The following TMEM273 variants were observed in gnomAD, a reference collection of about 807,000 sequenced individuals.
TMEM273 encodes chromosome 10 open reading frame 128.
In TMEM273, 19 loss-of-function variants were observed where a neutral mutation model predicts 17.9. The ratio of observed to expected loss-of-function variants is 1.06; its 90% CI spans 0.74 to 1.55. The LOEUF is 1.55. Among genes scored for constraint, TMEM273 ranks in the 40% most tolerant of loss-of-function variants. TMEM273 has a pLI of 0.00. For missense variants in TMEM273, 194 were observed against 155.6 expected (o/e 1.25, Z -1.31); for synonymous variants, 66 against 62.0 (o/e 1.07, Z -0.31).
intron 1 of TMEM273, among the ~76,000 whole-genome samples, chr10:49,169,145 C>T (rs1270745582): frequency 6.6e-6 from 1 of 152,162 alleles, no homozygotes; most frequent in Non-Finnish European, 1.5e-5. Flanking sequence ...AACCATCAAG[C>T]CCTAGGGCTG....
chr10:49,167,131 G>C, intron 2 of TMEM273, 122 bp from the exon 3 acceptor site: 1 of 1,345,902 alleles, frequency 7.4e-7, no homozygotes, highest in Non-Finnish European at 1.0e-6. Flanking sequence ...GCTGAGGCCA[G>C]CCTCACCTTC....
chr10:49,167,990 G>T, intron 1 of TMEM273, 28 bp from the exon 2 acceptor site: 2 of 1,613,678 alleles, frequency 1.2e-6, no homozygotes, highest in South Asian at 2.2e-5. Flanking sequence ...CCAGAGCCTG[G>T]TTAGAACAGA....
intron 1 of TMEM273, among the ~76,000 whole-genome samples, chr10:49,182,834 C>G (rs1300426109): frequency 1.3e-5 from 2 of 152,056 alleles, no homozygotes; most frequent in Non-Finnish European, 2.9e-5. Context: ...AAAAATACAT[C>G]AGCCTTCCTC....
intron 3 of TMEM273, 168 bp downstream of exon 3, chr10:49,166,701 G>T: frequency 1.1e-6 from 1 of 938,972 alleles, no homozygotes; most frequent in Non-Finnish European, 1.6e-6. Context: ...AGAAACAGAG[G>T]CAAAGGGTTA....
chr10:49,155,812 G>A lies in TMEM273; in HGVS notation c.*80C>T. On this transcript the variant is annotated 3_prime_UTR_variant, in exon 7 of 7. Transcript: ENST00000374153. ...CATTACCAGCCTTGGGTGTTTGAAT[G>A]CAGAACATCCTGAGATGTTAACCAT... 1 of 1,609,830 alleles carries A rather than the reference G, an allele frequency of 6.2e-7. No homozygotes were observed. Among genetic ancestry groups the A allele is most frequent in the Non-Finnish European group, 8.5e-7 (1 of 1,176,984 alleles).
chr10:49,156,963 T>A (rs1279601676), intron 6 of TMEM273, among the ~76,000 whole-genome samples: 2 of 152,140 alleles, frequency 1.3e-5, no homozygotes, highest in Non-Finnish European at 2.9e-5. Context: ...TTTTTCTCCT[T>A]CAAAAGATGG....
At chr10:49,157,445 C>T (rs1402729425) in intron 6 of TMEM273, among the ~76,000 whole-genome samples, 1 of 152,178 alleles carries the variant, frequency 6.6e-6, no homozygotes, top group Non-Finnish European at 1.5e-5. Flanking sequence ...GATTTAGTGG[C>T]TACTTAACCC....
chr10:49,171,562 C>T (rs1343185605), intron 1 of TMEM273, among the ~76,000 whole-genome samples: 3 of 152,246 alleles, frequency 2.0e-5, no homozygotes, highest in Non-Finnish European at 2.9e-5. Context: ...TACTCTGTGC[C>T]TCCCTGACAA....
chr10:49,170,172 G>A (rs771998321), intron 1 of TMEM273, among the ~76,000 whole-genome samples: 33 of 152,238 alleles, frequency 2.2e-4, no homozygotes, highest in Non-Finnish European at 2.1e-4. Flanking sequence ...GGTACACACA[G>A]AGACACTCAA....
At position 49,167,021 on chromosome 10, in the gene TMEM273, G is replaced by A. The variant is rs1846238400; in HGVS notation, c.98-12C>T. 1.2e-6 allele frequency: 2 copies of A among 1,613,252 alleles called. No individual in the cohort carries two copies. The highest frequency in any genetic ancestry group is 1.7e-6 in the Non-Finnish European group (2 of 1,179,528). ...GGCGTACTTGAAATCTGAAACGCAG[G>A]GAGGAATTGAACACCCGGTTTCAGT... On this transcript the variant is annotated splice_polypyrimidine_tract_variant and intron_variant, in intron 2 of 6. Transcript: ENST00000374153.
chr10:49,171,124 G>A (rs556216601), intron 1 of TMEM273, among the ~76,000 whole-genome samples: 2 of 152,358 alleles, frequency 1.3e-5, no homozygotes, highest in East Asian at 1.9e-4. Context: ...AGGGAGCTTG[G>A]CACCCACAGG....
chr10:49,157,693 A>T (rs1391200410), intron 6 of TMEM273, among the ~76,000 whole-genome samples: 1 of 152,216 alleles, frequency 6.6e-6, no homozygotes, highest in Non-Finnish European at 1.5e-5. Flanking sequence ...GCTCCTTAAC[A>T]TGATAAGATA....
chr10:49,186,095 A>AGAG (rs1847688147), intron 1 of TMEM273, among the ~76,000 whole-genome samples: 1 of 149,032 alleles, frequency 6.7e-6, no homozygotes, highest in Non-Finnish European at 1.5e-5. Flanking sequence ...AAGAAGAAGA[A>AGAG]GAAGAAGAAG....
At chr10:49,163,289 ATGTG>A (rs34654322) in intron 5 of TMEM273, among the ~76,000 whole-genome samples, 2 of 150,556 alleles carry the variant, frequency 1.3e-5, no homozygotes, top group South Asian at 2.1e-4. Context: ...GAATATGTGC[ATGTG>A]TGTGTGTGTG....
chr10:49,178,673 CA>C lies in TMEM273; in HGVS notation c.43+9620del, dbSNP rs530413558. 4.6e-5 allele frequency among the ~76,000 whole-genome samples: 7 copies of C among 152,314 alleles called. No homozygotes were observed. The East Asian group carries it at 1.4e-3, about 29-fold the overall frequency. On this transcript the variant is annotated intron_variant, in intron 1 of 6. Coordinates refer to ENST00000374153, the MANE Select transcript of TMEM273 (RefSeq NM_001288740.3). The stretch of plus-strand genomic sequence containing the variant: ...CCTAGGCAGAGATGTACGCAATTAG[CA>C]TTCAATAAGACTCCTCCTCCAGGAA...
chr10:49,180,234 T>A (rs541738222), intron 1 of TMEM273, among the ~76,000 whole-genome samples: 1 of 152,080 alleles, frequency 6.6e-6, no homozygotes, highest in Admixed American at 6.5e-5. Flanking sequence ...AAGGGACACA[T>A]GAAGAGCAGT....
intron 1 of TMEM273, among the ~76,000 whole-genome samples, chr10:49,180,619 T>C (rs1847285409): frequency 6.6e-6 from 1 of 152,108 alleles, no homozygotes; most frequent in South Asian, 2.1e-4. Context: ...GAAAATTATT[T>C]GTCATAGCAA....
At chr10:49,175,055 CT>C (rs1414933506) in intron 1 of TMEM273, among the ~76,000 whole-genome samples, 6 of 151,900 alleles carry the variant, frequency 3.9e-5, no homozygotes, top group African/African-American at 1.2e-4. Flanking sequence ...CTAATAAAGT[CT>C]CGGTGAGGTG....
intron 1 of TMEM273, among the ~76,000 whole-genome samples, chr10:49,182,365 C>A (rs1371289196): frequency 1.3e-5 from 2 of 152,090 alleles, no homozygotes; most frequent in East Asian, 3.9e-4. Context: ...GAATTTAATT[C>A]TCTTTACCCG....
Sources: gnomAD v4.1 joint callset for allele counts (sites outside exome capture counted in the v4.1 genomes callset) on GRCh38, gnomAD v4.1.1 for gene constraint, MANE v1.5 for transcripts, NCBI Gene and HGNC (gene_info 2026-07-23, HGNC 2026-07-21) for gene names.